The following NACC2 variants were observed in gnomAD, a reference collection of about 807,000 sequenced individuals.
NACC2 encodes nucleus accumbens-associated protein 2.
NACC2 carries 8 observed loss-of-function variants against 25.1 expected under a neutral mutation model. That is an observed-to-expected ratio of 0.32 (90% CI 0.19 to 0.57). NACC2 has a LOEUF of 0.57. Among genes scored for constraint, NACC2 ranks in the 20% least tolerant of loss-of-function variants. NACC2 has a pLI of 0.89. For missense variants in NACC2, 644 were observed against 650.2 expected (o/e 0.99, Z 0.10); for synonymous variants, 435 against 294.7 (o/e 1.48, Z -4.88).
At chr9:136,036,644 A>G (rs2131151444) in intron 2 of NACC2, among the ~76,000 whole-genome samples, 1 of 152,308 alleles carries the variant, frequency 6.6e-6, no homozygotes, top group Non-Finnish European at 1.5e-5. Context: ...GGAGAAATGG[A>G]AAGTATAAAA....
chr9:136,064,272 G>C (rs1357530479), intron 1 of NACC2, among the ~76,000 whole-genome samples: 2 of 152,190 alleles, frequency 1.3e-5, no homozygotes, highest in South Asian at 2.1e-4. Context: ...CTGGGTGACA[G>C]AGTGAGGCCC....
chr9:136,063,406 T>C (rs1227201159), intron 1 of NACC2, among the ~76,000 whole-genome samples: 1 of 152,202 alleles, frequency 6.6e-6, no homozygotes, highest in Middle Eastern at 3.2e-3. Context: ...GTCACGTACA[T>C]TGCAGAAGCA....
In NACC2 at chr9:136,013,389, A is replaced by T; in HGVS notation, c.1158-93T>A. 8.7e-7 allele frequency: 1 copy of T among 1,148,252 alleles called. No individual in the cohort carries two copies. Among genetic ancestry groups the T allele is most frequent in the Non-Finnish European group, 1.3e-6 (1 of 788,332 alleles). 71.1% of individuals were successfully genotyped at this position (1,148,252 alleles called of 1,614,324 possible). On this transcript the variant is annotated intron_variant, in intron 4 of 5. Transcript: ENST00000277554. The surrounding 1 kb of genome is among the most constrained non-coding windows in gnomAD (Gnocchi z 6.6). ...CGCACGAATGCCCTGCTGGGAGGCCACTTGGCCTCACCCTTGGCTGGTCTG... is the reference window on the plus strand; with the variant it reads ...CGCACGAATGCCCTGCTGGGAGGCCTCTTGGCCTCACCCTTGGCTGGTCTG...
At chr9:136,067,502 G>A (rs1376488537) in intron 1 of NACC2, among the ~76,000 whole-genome samples, 4 of 152,120 alleles carry the variant, frequency 2.6e-5, no homozygotes, top group Non-Finnish European at 4.4e-5. Context: ...GAACACCGCA[G>A]GTGATTTTGT....
Position 136,084,797 on chromosome 9 carries a change from C to A in NACC2, c.-60+10392G>T, listed in dbSNP as rs1030188048. On this transcript the variant is annotated intron_variant, in intron 1 of 5. Coordinates refer to ENST00000277554, the MANE Select transcript of NACC2 (RefSeq NM_144653.5). This position sits in a 1 kb window ranked among gnomAD's most constrained non-coding sequence, Gnocchi z 5.1. Reference sequence around the variant, plus strand: ...CGCCACTCCCTGCAACCCGGAGGAGCCGTGGGGAGAGGGTGCGGAGCAAAT... The same window carrying A: ...CGCCACTCCCTGCAACCCGGAGGAGACGTGGGGAGAGGGTGCGGAGCAAAT... Among the ~76,000 whole-genome samples, 2 of 152,232 alleles carry A rather than the reference C, an allele frequency of 1.3e-5. No homozygotes were observed. The highest frequency in any genetic ancestry group is 2.9e-5 in the Non-Finnish European group (2 of 68,034).
chr9:136,065,242 T>C (rs1841066167), intron 1 of NACC2, among the ~76,000 whole-genome samples: 1 of 152,160 alleles, frequency 6.6e-6, no homozygotes, highest in African/African-American at 2.4e-5. Context: ...TCCAACACTT[T>C]GGGAGGCTGA....
At chr9:136,040,819 G>A (rs1032773701) in intron 2 of NACC2, among the ~76,000 whole-genome samples, 1 of 152,010 alleles carries the variant, frequency 6.6e-6, no homozygotes, top group Non-Finnish European at 1.5e-5. Flanking sequence ...AAATTAGCCG[G>A]GTGTGGTGGT....
chr9:136,080,505 G>A (rs73552971), intron 1 of NACC2, among the ~76,000 whole-genome samples: 2,387 of 152,248 alleles, frequency 0.016, 62 homozygotes, highest in African/African-American at 0.054. Context: ...CTGGGAGGCA[G>A]AGGTTGTGTG....
chr9:136,053,702 A>G (rs965107152), intron 1 of NACC2, among the ~76,000 whole-genome samples: 9 of 152,232 alleles, frequency 5.9e-5, no homozygotes, highest in Admixed American at 2.0e-4. Context: ...GCCCACCACC[A>G]GGAGCCTCCC....
chr9:136,016,139 G>A, intron 3 of NACC2, 126 bp downstream of exon 3: 1 of 1,024,308 alleles, frequency 9.8e-7, no homozygotes, highest in Non-Finnish European at 1.4e-6. Context: ...AAGGAAATTA[G>A]AGGAAATTTA....
At chr9:136,051,409 C>G (rs1840833747) in intron 1 of NACC2, among the ~76,000 whole-genome samples, 1 of 152,212 alleles carries the variant, frequency 6.6e-6, no homozygotes, top group Non-Finnish European at 1.5e-5. Flanking sequence ...GACGGCCCGG[C>G]CCCAACCCAG....
chr9:136,054,632 G>A (rs977210204), intron 1 of NACC2, among the ~76,000 whole-genome samples: 1 of 152,112 alleles, frequency 6.6e-6, no homozygotes, highest in African/African-American at 2.4e-5. Flanking sequence ...AGGAGGGCAG[G>A]GGCCAAGCCT....
At chr9:136,082,277 T>G (rs1830332077) in intron 1 of NACC2, among the ~76,000 whole-genome samples, 1 of 152,166 alleles carries the variant, frequency 6.6e-6, no homozygotes, top group African/African-American at 2.4e-5. Context: ...GCGGGGAGCC[T>G]CAGGTCCCAC....
chr9:136,036,645 A>C (rs910382282), intron 2 of NACC2, among the ~76,000 whole-genome samples: 10 of 152,204 alleles, frequency 6.6e-5, no homozygotes, highest in African/African-American at 2.4e-4. Flanking sequence ...GAGAAATGGA[A>C]AGTATAAAAA....
intron 1 of NACC2, among the ~76,000 whole-genome samples, chr9:136,066,395 G>A (rs966109923): frequency 1.3e-5 from 2 of 152,026 alleles, no homozygotes; most frequent in African/African-American, 2.4e-5. Context: ...ATATACACAC[G>A]CAAAAATACT....
At chr9:136,021,929 C>T (rs1395029105) in intron 2 of NACC2, among the ~76,000 whole-genome samples, 1 of 152,206 alleles carries the variant, frequency 6.6e-6, no homozygotes, top group East Asian at 1.9e-4. Flanking sequence ...TTGTGGCCAC[C>T]AGGGGCTGGG....
intron 2 of NACC2, among the ~76,000 whole-genome samples, chr9:136,032,069 C>T (rs1564224785): frequency 7.0e-6 from 1 of 143,256 alleles, no homozygotes; most frequent in Non-Finnish European, 1.5e-5. Context: ...ATTTCCCTCC[C>T]GCCAGACTCC....
At chr9:136,074,376 C>T in intron 1 of NACC2, among the ~76,000 whole-genome samples, 1 of 145,072 alleles carries the variant, frequency 6.9e-6, no homozygotes, top group Admixed American at 7.1e-5. Context: ...TGGAGTGAAC[C>T]CGGGAGGCGG....
intron 1 of NACC2, among the ~76,000 whole-genome samples, chr9:136,079,225 ACTGCACTCT>A (rs1830296420): frequency 6.6e-6 from 1 of 152,166 alleles, no homozygotes; most frequent in South Asian, 2.1e-4. Flanking sequence ...CAGGGTGGGA[ACTGCACTCT>A]CTGAGCTGAG....
Sources: allele counts gnomAD v4.1 joint callset (sites outside exome capture counted in the v4.1 genomes callset), GRCh38; gene constraint gnomAD v4.1.1; non-coding constraint Gnocchi (gnomAD v3.1); transcripts MANE v1.5; gene names NCBI Gene and HGNC (gene_info 2026-07-23, HGNC 2026-07-21).